NOA1: variants seen among roughly 807,000 people sequenced by gnomAD.
NOA1 encodes the protein nitric oxide associated 1.
NOA1 carries 35 observed loss-of-function variants against 58.4 expected under a neutral mutation model. The observed-to-expected ratio is 0.60, with a 90% confidence interval of 0.46 to 0.79. NOA1 has a LOEUF of 0.79. Ranked by LOEUF, NOA1 falls within the 30% of genes least tolerant of loss-of-function variation. The probability of loss-of-function intolerance (pLI) is 0.00; values close to 1 mark genes in which losing one functional copy is unlikely to be tolerated. For missense variants in NOA1, 895 were observed against 894.6 expected (o/e 1.00, Z -0.01); for synonymous variants, 397 against 373.4 (o/e 1.06, Z -0.73).
chr4:56,963,413 T>G lies in NOA1; in HGVS notation c.*37A>C, dbSNP rs1295367056. 4 of 1,470,222 alleles carry G rather than the reference T, an allele frequency of 2.7e-6. No individual in the cohort carries two copies. The highest frequency in any genetic ancestry group is 3.8e-6 in the Non-Finnish European group (4 of 1,049,824). 91.1% of individuals were successfully genotyped at this position (1,470,222 alleles called of 1,614,324 possible). A position where few individuals can be genotyped will look rare whatever the true frequency, so the allele number is the denominator to read the frequency against. On this transcript the variant is annotated 3_prime_UTR_variant, in exon 7 of 7. Transcript: ENST00000264230. ...ACAAATTCAATGTATTTTGTTGTGT[T>G]CAATACAGTTAATATCTGGAGTGAA...
At chr4:56,973,668 A>G (rs1304297231) in intron 2 of NOA1, among the ~76,000 whole-genome samples, 190 bp downstream of exon 2, 2 of 152,076 alleles carry the variant, frequency 1.3e-5, no homozygotes, top group African/African-American at 4.8e-5. Context: ...TGGAGTAAAA[A>G]CTTTTACTAC....
At chr4:56,971,659 A>G (rs551036282) in intron 3 of NOA1, among the ~76,000 whole-genome samples, 1 of 152,302 alleles carries the variant, frequency 6.6e-6, no homozygotes, top group Non-Finnish European at 1.5e-5. Context: ...ATGATTAATG[A>G]ATCTGTTGTG....
chr4:56,975,976 G>C (rs961088543), intron 1 of NOA1, among the ~76,000 whole-genome samples: 6 of 152,206 alleles, frequency 3.9e-5, no homozygotes, highest in African/African-American at 1.4e-4. Context: ...GAACCCGGGA[G>C]GCGGAGGTTG....
intron 3 of NOA1, 59 bp downstream of exon 3, chr4:56,973,089 A>G (rs775914259): frequency 1.4e-4 from 201 of 1,479,602 alleles, no homozygotes; most frequent in Non-Finnish European, 1.7e-4. Context: ...AGCAGGCAAT[A>G]TAAACCCATT....
intron 1 of NOA1, among the ~76,000 whole-genome samples, chr4:56,975,325 G>C (rs1367278847): frequency 2.0e-5 from 3 of 151,088 alleles, no homozygotes; most frequent in Non-Finnish European, 4.4e-5. Flanking sequence ...GCCCGGCAAA[G>C]CCACACATCA....
At chr4:56,971,778 T>C (rs1176657745) in intron 3 of NOA1, among the ~76,000 whole-genome samples, 6 of 152,032 alleles carry the variant, frequency 3.9e-5, no homozygotes, top group African/African-American at 1.4e-4. Flanking sequence ...GAGTAAGATA[T>C]AGGCTGAATT....
rs374439493 is a variant in NOA1 at position 56,965,255 on chromosome 4, G to A, written c.1765-729C>T. Among the ~76,000 whole-genome samples, 34 of 152,098 alleles carry A rather than the reference G, an allele frequency of 2.2e-4. No homozygotes were observed. The South Asian group carries it at 6.4e-3, about 29-fold the overall frequency. On this transcript the variant is annotated intron_variant, in intron 5 of 6. Transcript: ENST00000264230. ...GACCTCAAGGTGATCTGCCCACCTC[G>A]GCCTCCCAAAGTGCTGGGATTACAG...
intron 6 of NOA1, 58 bp from the exon 7 acceptor site, chr4:56,963,719 C>T (rs373643697): frequency 1.1e-5 from 14 of 1,317,302 alleles, no homozygotes; most frequent in African/African-American, 8.8e-5. Flanking sequence ...ATTAAAAATA[C>T]CAAACCAAAG....
chr4:56,963,703 C>A, intron 6 of NOA1, 42 bp from the exon 7 acceptor site: 1 of 1,499,228 alleles, frequency 6.7e-7, no homozygotes, highest in South Asian at 1.1e-5. Flanking sequence ...TGTTAGCAAT[C>A]ATCTTATTAA....
At chr4:56,969,157 G>C (rs1263071936) in intron 3 of NOA1, among the ~76,000 whole-genome samples, 1 of 152,162 alleles carries the variant, frequency 6.6e-6, no homozygotes, top group Non-Finnish European at 1.5e-5. Context: ...TTCCTAGAGA[G>C]ACTAGAGAAA....
rs768300563 is a variant in NOA1, at chr4:56,977,160, C to A, written c.426G>T (p.Ser142=). The A allele has an allele frequency of 6.4e-7, 1 of 1,557,398 alleles. No individual in the cohort carries two copies. ...PALPPSGVNC[S]GCGAELHCQD... ...GGCAGTGCAGCTCTGCCCCACAGCC[C>A]GAGCAGTTCACGCCGCTGGGCGGCA... The change falls in exon 1 of 7, where the codon TCG becomes TCT. Residue 142 remains serine (S), a synonymous_variant. Transcript: ENST00000264230.
At chr4:56,965,303 G>A (rs1721681509) in intron 5 of NOA1, among the ~76,000 whole-genome samples, 1 of 152,054 alleles carries the variant, frequency 6.6e-6, no homozygotes. Flanking sequence ...GCGCTTGGCT[G>A]TAACTGGGTA....
chr4:56,973,264 C>T lies in NOA1; in HGVS notation c.1399G>A (p.Glu467Lys), dbSNP rs370891592. Residue 467 changes from glutamate to lysine, a missense_variant, in exon 3 of 7, where the codon GAA becomes AAA. Around this residue, in one of 3 missense-constraint regions of NOA1, gnomAD observed 680 missense variants for 656.5 expected, o/e 1.04. Transcript: ENST00000264230. ...TGTGTACCCATAACAGGGTCATTTT[C>T]CATGTCAAAGGCAAGTGAATCAGCA... is the stretch of plus-strand genomic sequence containing the variant. ...FDADSLAFDM[E>K]NDPVMGTHKS... is the part of the protein sequence containing the mutation. 22 of 1,613,956 alleles carry T rather than the reference C, an allele frequency of 1.4e-5. No individual in the cohort carries two copies. Among genetic ancestry groups the T allele is most frequent in the Non-Finnish European group, 1.9e-5 (22 of 1,179,992 alleles).
intron 3 of NOA1, among the ~76,000 whole-genome samples, chr4:56,972,289 T>C (rs891320148): frequency 6.6e-6 from 1 of 152,148 alleles, no homozygotes; most frequent in South Asian, 2.1e-4. Context: ...CCTGGGCCAA[T>C]GAATAGCCTG....
rs763187180 is a variant in NOA1, at chr4:56,968,439, A to C, written c.1592T>G (p.Leu531Arg). The change falls in exon 4 of 7, where the codon CTT (leucine) becomes CGT (arginine). Residue 531 changes from leucine to arginine, a missense_variant. Transcript: ENST00000264230. ...TQSIVPRTFV[L>R]KPGMVLFLGA... is the part of the protein sequence containing the mutation. ...CAAAAACAGAACCATTCCTGGTTTA[A>C]GCACAAAAGTTCTTGGAACAATGGA... is the stretch of plus-strand genomic sequence containing the variant. The C allele has an allele frequency of 6.2e-7, 1 of 1,613,312 alleles. No individual in the cohort carries two copies. The highest frequency in any genetic ancestry group is 1.1e-5 in the South Asian group (1 of 90,688).
intron 3 of NOA1, among the ~76,000 whole-genome samples, chr4:56,970,690 G>A (rs1399250705): frequency 1.3e-5 from 2 of 151,870 alleles, no homozygotes; most frequent in African/African-American, 4.8e-5. Context: ...TCAAACTCCT[G>A]GGCTCAAGCA....
In NOA1 at chr4:56,973,136, C is replaced by T. The variant is rs772219928; in HGVS notation, c.1515+12G>A. On this transcript the variant is annotated intron_variant, in intron 3 of 6. Coordinates refer to ENST00000264230, the MANE Select transcript of NOA1 (RefSeq NM_032313.4). ...AGAAAGTAAATGTTTCTAAAAGAAA[C>T]CAAATACATACACAATTTTCTTTTG... 4 of 1,611,554 alleles carry T rather than the reference C, an allele frequency of 2.5e-6. No individual in the cohort carries two copies. Among genetic ancestry groups the T allele is most frequent in the Admixed American group, 1.7e-5 (1 of 59,982 alleles).
intron 4 of NOA1, among the ~76,000 whole-genome samples, chr4:56,967,921 T>C (rs1300726391): frequency 1.7e-5 from 1 of 58,120 alleles, no homozygotes; most frequent in Admixed American, 2.3e-4. Flanking sequence ...TTCCCCAAGT[T>C]TTTTTTTTTT....
In NOA1 at chr4:56,976,824, G is replaced by A; in HGVS notation, c.762C>T (p.Pro254=). The A allele has an allele frequency of 1.9e-6, 3 of 1,612,428 alleles. No individual in the cohort carries two copies. The highest frequency in any genetic ancestry group is 2.5e-6 in the Non-Finnish European group (3 of 1,179,320). Residue 254 remains proline, a synonymous_variant, in exon 1 of 7, where the codon CCC becomes CCT. Coordinates refer to ENST00000264230, the MANE Select transcript of NOA1 (RefSeq NM_032313.4). ...IVLGNKVDLL[P]QDAPGYRQRL... is the part of the protein sequence containing the mutation. ...TCTGCCGGTAGCCAGGAGCATCCTG[G>A]GGCAGGAGGTCCACTTTGTTTCCCA...
Sources: gnomAD v4.1 joint callset for allele counts (sites outside exome capture counted in the v4.1 genomes callset) on GRCh38, gnomAD v4.1.1 for gene constraint, gnomAD v4.1.1 regional missense constraint, MANE v1.5 for transcripts, NCBI Gene and HGNC (gene_info 2026-07-23, HGNC 2026-07-21) for gene names.